SPOCK1: variants seen among roughly 807,000 people sequenced by gnomAD.
The protein encoded by SPOCK1 is SPARC (osteonectin), cwcv and kazal like domains proteoglycan 1, also known as testican-1.
A neutral mutation model predicts 55.3 loss-of-function variants in SPOCK1; 23 were observed. The observed-to-expected ratio is 0.42, with a 90% CI of 0.30 to 0.59. The LOEUF is 0.59. SPOCK1 is among the 20% of genes least tolerant of loss of function. The pLI is 0.22. For synonymous variants in SPOCK1, 226 were observed against 221.0 expected, an observed-to-expected ratio of 1.02 and a Z score of -0.20; for missense variants, 499 against 552.5, an observed-to-expected ratio of 0.90 and a Z score of 0.97.
intron 3 of SPOCK1, among the ~76,000 whole-genome samples, chr5:137,199,072 G>C (rs1755358875): frequency 2.0e-5 from 3 of 152,194 alleles, no homozygotes; most frequent in Admixed American, 2.0e-4. Context: ...CTAGTTCACT[G>C]TTCTGTCCAT....
chr5:137,233,279 G>C (rs912057834), intron 3 of SPOCK1, among the ~76,000 whole-genome samples: 3 of 152,168 alleles, frequency 2.0e-5, no homozygotes, highest in Admixed American at 1.3e-4. Flanking sequence ...GGAGCCCTGA[G>C]CTTATTTTCC....
At chr5:137,111,227 C>T (rs1212905793) in intron 5 of SPOCK1, among the ~76,000 whole-genome samples, 1 of 152,032 alleles carries the variant, frequency 6.6e-6, no homozygotes, top group Non-Finnish European at 1.5e-5. Context: ...ATTGTCTGTG[C>T]AGTGGGAGCA....
rs149239394 is a variant in SPOCK1, at chr5:137,469,542, G to A, written c.186+28831C>T. 1.9e-3 allele frequency among the ~76,000 whole-genome samples: 285 copies of A among 152,150 alleles called. 3 individuals carry two copies. The Middle Eastern group carries it at 0.024, about 13-fold the overall frequency. On this transcript the variant is annotated intron_variant, in intron 2 of 10. Coordinates refer to ENST00000394945, the MANE Select transcript of SPOCK1 (RefSeq NM_004598.4). Reference sequence around the variant, plus strand: ...TGGTAAGTTTGGGAAACAATGAGTTGAAAAGTTAAATAGGTTTCTTTAACT... The same window carrying A: ...TGGTAAGTTTGGGAAACAATGAGTTAAAAAGTTAAATAGGTTTCTTTAACT...
chr5:137,421,813 G>GTTA (rs1752503694), intron 2 of SPOCK1, among the ~76,000 whole-genome samples: 1 of 152,226 alleles, frequency 6.6e-6, no homozygotes, highest in Admixed American at 6.5e-5. Flanking sequence ...GGTTAATATT[G>GTTA]TTATGTGTGA....
At chr5:137,037,845 G>A (rs1751913761) in intron 6 of SPOCK1, among the ~76,000 whole-genome samples, 2 of 152,238 alleles carry the variant, frequency 1.3e-5, no homozygotes. Context: ...ACCCAGGGGT[G>A]CTGGTCTCAT....
At chr5:137,291,366 C>T (rs1031611110) in intron 2 of SPOCK1, among the ~76,000 whole-genome samples, 5 of 152,158 alleles carry the variant, frequency 3.3e-5, no homozygotes, top group Admixed American at 6.5e-5. Context: ...AGATGAAAAA[C>T]GTGAGGCTCA....
chr5:137,357,747 T>G (rs1342256350), intron 2 of SPOCK1, among the ~76,000 whole-genome samples: 1 of 152,202 alleles, frequency 6.6e-6, no homozygotes, highest in Non-Finnish European at 1.5e-5. Context: ...TTTCCATTTG[T>G]GACAAATGAT....
At chr5:137,310,562 G>T (rs181606263) in intron 2 of SPOCK1, among the ~76,000 whole-genome samples, 1 of 152,282 alleles carries the variant, frequency 6.6e-6, no homozygotes, top group African/African-American at 2.4e-5. Flanking sequence ...TGGCCTCTGT[G>T]GAACTTGCTT....
intron 2 of SPOCK1, among the ~76,000 whole-genome samples, chr5:137,389,371 T>C (rs1274234384): frequency 2.0e-5 from 3 of 152,244 alleles, no homozygotes; most frequent in Non-Finnish European, 2.9e-5. Flanking sequence ...TACTCGGATT[T>C]GTATTAAGTT....
At chr5:137,460,862 T>G (rs1320642915) in intron 2 of SPOCK1, among the ~76,000 whole-genome samples, 1 of 152,158 alleles carries the variant, frequency 6.6e-6, no homozygotes, top group African/African-American at 2.4e-5. Flanking sequence ...GGCCTCTGCG[T>G]TGCTGCTCCC....
intron 6 of SPOCK1, among the ~76,000 whole-genome samples, chr5:137,025,410 C>A (rs562243588): frequency 9.2e-5 from 14 of 152,162 alleles, no homozygotes; most frequent in Non-Finnish European, 2.1e-4. Flanking sequence ...ACTTGAAGCA[C>A]CTGCTACATA....
chr5:137,482,111 G>T (rs1489579730), intron 2 of SPOCK1, among the ~76,000 whole-genome samples: 1 of 152,178 alleles, frequency 6.6e-6, no homozygotes, highest in African/African-American at 2.4e-5. Flanking sequence ...TTTGAGGAGG[G>T]ATACAGAATA....
chr5:137,184,764 C>G (rs552558901), intron 3 of SPOCK1, among the ~76,000 whole-genome samples: 2 of 152,244 alleles, frequency 1.3e-5, no homozygotes, highest in African/African-American at 4.8e-5. Context: ...TCCAACTCCT[C>G]CATCACCCCC....
chr5:137,053,713 C>T (rs1398133587), intron 6 of SPOCK1, among the ~76,000 whole-genome samples: 1 of 152,018 alleles, frequency 6.6e-6, no homozygotes, highest in Admixed American at 6.6e-5. Flanking sequence ...AAAAGGGCTG[C>T]TGCAGCTCCA....
intron 4 of SPOCK1, among the ~76,000 whole-genome samples, chr5:137,135,462 T>C (rs1753964886): frequency 6.6e-6 from 1 of 152,196 alleles, no homozygotes. Flanking sequence ...AGAATGCCTA[T>C]GAGAATGTTG....
chr5:137,403,985 G>A (rs1561526460), intron 2 of SPOCK1, among the ~76,000 whole-genome samples: 1 of 152,180 alleles, frequency 6.6e-6, no homozygotes, highest in Non-Finnish European at 1.5e-5. Context: ...GGAGGAACAG[G>A]GAAGATGCAA....
intron 3 of SPOCK1, among the ~76,000 whole-genome samples, chr5:137,218,163 T>A (rs2127085997): frequency 6.6e-6 from 1 of 152,344 alleles, no homozygotes; most frequent in South Asian, 2.1e-4. Context: ...ATCTCTGGGA[T>A]AATGGAATCC....
intron 3 of SPOCK1, among the ~76,000 whole-genome samples, chr5:137,197,345 T>C (rs1755320816): frequency 6.6e-6 from 1 of 152,176 alleles, no homozygotes; most frequent in Admixed American, 6.5e-5. Flanking sequence ...GGAGCAGAAC[T>C]ATGAATTCTG....
chr5:137,203,685 C>T (rs1360637788), intron 3 of SPOCK1, among the ~76,000 whole-genome samples: 3 of 152,120 alleles, frequency 2.0e-5, no homozygotes, highest in African/African-American at 4.8e-5. Flanking sequence ...TACGGGGCCA[C>T]GTAAATGAAT....
Sources: allele counts gnomAD v4.1 joint callset (sites outside exome capture counted in the v4.1 genomes callset), GRCh38; gene constraint gnomAD v4.1.1; transcripts MANE v1.5; gene names NCBI Gene and HGNC (gene_info 2026-07-23, HGNC 2026-07-21).